Variants in NHEJ1 observed in about 807,000 individuals in gnomAD.
NHEJ1 encodes the protein non-homologous end joining factor 1.
NHEJ1 carries 22 observed loss-of-function variants against 39.4 expected under a neutral mutation model. The observed-to-expected ratio is 0.56, with a 90% CI of 0.40 to 0.80. NHEJ1 has a LOEUF of 0.80. NHEJ1 is among the 30% of genes least tolerant of loss of function. NHEJ1 has a pLI of 0.00. For synonymous variants in NHEJ1, 154 were observed against 135.6 expected (o/e 1.14, Z -0.94); for missense variants, 329 against 357.1 (o/e 0.92, Z 0.63).
At chr2:219,103,808 T>A (rs1949289009) in intron 5 of NHEJ1, among the ~76,000 whole-genome samples, 1 of 152,178 alleles carries the variant, frequency 6.6e-6, no homozygotes, top group Non-Finnish European at 1.5e-5. Context: ...ACACAGCTAG[T>A]AACTAAGTAG....
chr2:219,159,602 C>CATATAT (rs1355012364), intron 1 of NHEJ1, among the ~76,000 whole-genome samples: 1 of 126,632 alleles, frequency 7.9e-6, no homozygotes, highest in Admixed American at 8.3e-5. Context: ...TATATATATG[C>CATATAT]ATATATATAC....
chr2:219,081,011 C>T (rs1486965794), intron 5 of NHEJ1, among the ~76,000 whole-genome samples: 1 of 152,164 alleles, frequency 6.6e-6, no homozygotes, highest in East Asian at 1.9e-4. Context: ...AGCAATCCAG[C>T]TTCTCCCAGG....
rs1480354089 is a variant in NHEJ1 at position 219,071,627 on chromosome 2, A to G, written c.*4754T>C. Among the ~76,000 whole-genome samples, 1 of 152,206 alleles carries G rather than the reference A, an allele frequency of 6.6e-6. No homozygotes were observed. Among genetic ancestry groups the G allele is most frequent in the Non-Finnish European group, 1.5e-5 (1 of 68,020 alleles). ...TGCTACTGTTTTGGGCCCCAGAGTA[A>G]GGGCAGAGAGGAAGAGTGTGGCACT... On this transcript the variant is annotated 3_prime_UTR_variant, in exon 8 of 8. Transcript: ENST00000356853.
intron 5 of NHEJ1, among the ~76,000 whole-genome samples, chr2:219,140,107 C>G (rs994644056): frequency 6.6e-6 from 1 of 152,184 alleles, no homozygotes; most frequent in African/African-American, 2.4e-5. Flanking sequence ...GCAGAGGGAA[C>G]AGCCAATGTA....
chr2:219,093,104 A>C (rs931060249), intron 5 of NHEJ1, among the ~76,000 whole-genome samples: 40 of 152,178 alleles, frequency 2.6e-4, no homozygotes, highest in African/African-American at 9.7e-4. Context: ...AAATTCCTTA[A>C]TTTATAATCG....
At chr2:219,109,156 G>A (rs987215416) in intron 5 of NHEJ1, among the ~76,000 whole-genome samples, 2 of 152,170 alleles carry the variant, frequency 1.3e-5, no homozygotes, top group Non-Finnish European at 1.5e-5. Flanking sequence ...ATCCTTGACT[G>A]ATGCTGCCTA....
chr2:219,155,418 A>C (rs1352623382), intron 3 of NHEJ1, among the ~76,000 whole-genome samples: 1 of 151,766 alleles, frequency 6.6e-6, no homozygotes, highest in African/African-American at 2.4e-5. Context: ...AATTTTTTTT[A>C]ATTTTATTTA....
intron 5 of NHEJ1, among the ~76,000 whole-genome samples, chr2:219,091,195 T>C (rs1176190196): frequency 6.6e-6 from 1 of 152,108 alleles, no homozygotes; most frequent in Non-Finnish European, 1.5e-5. Context: ...CTCTTAGGAC[T>C]AGCCCAGTTA....
At chr2:219,110,159 C>G (rs977533152) in intron 5 of NHEJ1, among the ~76,000 whole-genome samples, 2 of 152,092 alleles carry the variant, frequency 1.3e-5, no homozygotes, top group South Asian at 4.1e-4. Flanking sequence ...AATGAACACA[C>G]AGACAAAAAT....
intron 3 of NHEJ1, among the ~76,000 whole-genome samples, chr2:219,156,396 A>G (rs556140909): frequency 2.8e-4 from 42 of 152,382 alleles, no homozygotes; most frequent in African/African-American, 9.6e-4. Context: ...TCTTGTCTTC[A>G]GATCCCTCTG....
intron 3 of NHEJ1, among the ~76,000 whole-genome samples, chr2:219,148,515 T>C (rs926715872): frequency 5.9e-5 from 9 of 152,134 alleles, no homozygotes; most frequent in African/African-American, 1.9e-4. Flanking sequence ...GCTGTGATCA[T>C]GCCACTGCAT....
chr2:219,092,311 A>G (rs1457503467), intron 5 of NHEJ1, among the ~76,000 whole-genome samples: 1 of 151,942 alleles, frequency 6.6e-6, no homozygotes, highest in Non-Finnish European at 1.5e-5. Flanking sequence ...AAAAAAAATT[A>G]TAGGATTACA....
chr2:219,160,437 G>C (rs1027454231), intron 1 of NHEJ1: 2 of 152,262 alleles, frequency 1.3e-5, no homozygotes, highest in African/African-American at 4.8e-5. Context: ...GGCTGCACTG[G>C]GGCGCGGCTT....
chr2:219,090,402 C>T (rs1949149969), intron 5 of NHEJ1, among the ~76,000 whole-genome samples: 1 of 152,136 alleles, frequency 6.6e-6, no homozygotes, highest in Non-Finnish European at 1.5e-5. Context: ...TAAAGTTCTC[C>T]CTATAGTGCC....
intron 5 of NHEJ1, among the ~76,000 whole-genome samples, chr2:219,126,986 G>A (rs569707209): frequency 6.6e-6 from 1 of 152,302 alleles, no homozygotes; most frequent in South Asian, 2.1e-4. Flanking sequence ...GGTTGGGGAG[G>A]AGGGGGTTAG....
chr2:219,133,717 C>T (rs1272929376), intron 5 of NHEJ1, among the ~76,000 whole-genome samples: 1 of 152,140 alleles, frequency 6.6e-6, no homozygotes, highest in Non-Finnish European at 1.5e-5. Context: ...AAATTAAATG[C>T]CCTTGGAAAA....
intron 1 of NHEJ1, among the ~76,000 whole-genome samples, chr2:219,159,550 T>G (rs200892237): frequency 1.7e-4 from 4 of 23,864 alleles, no homozygotes; most frequent in Non-Finnish European, 4.0e-4. Flanking sequence ...TATATATATA[T>G]GCATATATAT....
rs575662179 is a variant in NHEJ1, at chr2:219,101,971, G to A, written c.589-23765C>T. Among the ~76,000 whole-genome samples, 26 of 151,948 alleles carry A rather than the reference G, an allele frequency of 1.7e-4. 1 individual carries two copies. The highest frequency in any genetic ancestry group is 5.1e-4 in the African/African-American group (21 of 41,414). On this transcript the variant is annotated intron_variant, in intron 5 of 7. Coordinates refer to ENST00000356853, the MANE Select transcript of NHEJ1 (RefSeq NM_024782.3). ...GATCTCCTGACCTCGTGATCCGCCC[G>A]CCTCGGCTTCCCAAAGTGCTGGAAT...
intron 5 of NHEJ1, among the ~76,000 whole-genome samples, chr2:219,105,798 T>C (rs1949307938): frequency 6.6e-6 from 1 of 152,180 alleles, no homozygotes; most frequent in Admixed American, 6.5e-5. Flanking sequence ...TGGCCAGAAT[T>C]AAATCTTCCT....
Sources: allele counts gnomAD v4.1 joint callset (sites outside exome capture counted in the v4.1 genomes callset), GRCh38; gene constraint gnomAD v4.1.1; transcripts MANE v1.5; gene names NCBI Gene and HGNC (gene_info 2026-07-23, HGNC 2026-07-21).